CHFR: variants seen among roughly 807,000 people sequenced by gnomAD.
CHFR encodes the protein E3 ubiquitin-protein ligase CHFR.
Under a neutral mutation model 87.6 loss-of-function variants are expected in CHFR, and 57 were observed. That is an observed-to-expected ratio of 0.65 (90% CI 0.53 to 0.81). The LOEUF (loss-of-function observed/expected upper bound fraction) is 0.81. Among genes scored for constraint, CHFR ranks in the 30% least tolerant of loss-of-function variants. The pLI, the probability that CHFR is intolerant of heterozygous loss-of-function variation, is 0.00. For missense variants in CHFR, 797 were observed against 865.8 expected (o/e 0.92, Z 1.00); for synonymous variants, 381 against 359.2 (o/e 1.06, Z -0.69).
chr12:132,865,239 C>A (rs886258550), intron 6 of CHFR, among the ~76,000 whole-genome samples: 3 of 152,308 alleles, frequency 2.0e-5, no homozygotes, highest in African/African-American at 7.2e-5. Flanking sequence ...AGAGCCAGTG[C>A]ACATCCCAGC....
intron 9 of CHFR, among the ~76,000 whole-genome samples, chr12:132,856,891 G>A (rs951611734): frequency 6.7e-6 from 1 of 148,448 alleles, no homozygotes; most frequent in African/African-American, 2.5e-5. Flanking sequence ...CACTTGCCTG[G>A]GTGCTGGTGG....
intron 3 of CHFR, 24 bp downstream of exon 3, chr12:132,877,531 A>G (rs1476060628): frequency 6.6e-7 from 1 of 1,523,476 alleles, no homozygotes; most frequent in Non-Finnish European, 9.0e-7. Context: ...AAGAAACACC[A>G]AAAGAAGCTC....
At chr12:132,866,617 A>G (rs1468878121) in intron 6 of CHFR, 1 of 134,724 alleles carries the variant, frequency 7.4e-6, no homozygotes, top group Non-Finnish European at 1.7e-5. Flanking sequence ...CCAGAAAGTT[A>G]CAACACACCG....
In CHFR at chr12:132,887,555, C is replaced by A; in HGVS notation, c.-21G>T. The A allele has an allele frequency of 1.2e-5, 2 of 161,890 alleles. No homozygotes were observed. Among genetic ancestry groups the A allele is most frequent in the South Asian group, 3.6e-4 (2 of 5,596 alleles). The allele number at this position is 161,890 out of a possible 1,614,324, so 10.0% of individuals were successfully genotyped here. Reference sequence around the variant, plus strand: ...TCGCCAGCCGCGCTTACCCCCGCCCCGCGCCGAACCCGGAACCGGCTGCGC... The same window carrying A: ...TCGCCAGCCGCGCTTACCCCCGCCCAGCGCCGAACCCGGAACCGGCTGCGC... On this transcript the variant is annotated 5_prime_UTR_variant, in exon 1 of 18. Transcript: ENST00000450056.
Position 132,833,498 on chromosome 12 carries a change from T to C in CHFR, c.*8056A>G, listed in dbSNP as rs1950628773. 6.6e-6 allele frequency: 1 copy of C among 152,234 alleles called. No homozygotes were observed. The highest frequency in any genetic ancestry group is 1.9e-4 in the East Asian group (1 of 5,190). The allele number at this position is 152,234 out of a possible 1,614,324, so 9.4% of individuals were successfully genotyped here. A position where few individuals can be genotyped will look rare whatever the true frequency, so the allele number is the denominator to read the frequency against. On this transcript the variant is annotated 3_prime_UTR_variant, in exon 18 of 18. Transcript: ENST00000450056. ...TTCAGGCCGATGGTTGAGGGAGGAC[T>C]TCTCAGGAGAATGTGAGCCAACAAG...
rs1357095646 is a variant in CHFR, at chr12:132,847,064, G to A, written c.1714C>T (p.Arg572Trp). Reference protein sequence around the residue: ...MLTESLVALQRGVFLLSDYRV... With the variant: ...MLTESLVALQWGVFLLSDYRV... ...TCACCAGACAGCAGAAACACTCCCC[G>A]CTGGAGAGCCACGAGGCTCTCGGTC... The change falls in exon 15 of 18, where the codon CGG (arginine) becomes TGG (tryptophan). Residue 572 changes from arginine (R) to tryptophan (W), a missense_variant. Transcript: ENST00000450056. The A allele has an allele frequency of 3.1e-6, 5 of 1,613,192 alleles. No individual in the cohort carries two copies. Among genetic ancestry groups the A allele is most frequent in the East Asian group, 2.2e-5 (1 of 44,866 alleles).
At chr12:132,877,194 C>A (rs774033823) in intron 3 of CHFR, among the ~76,000 whole-genome samples, 5 of 152,178 alleles carry the variant, frequency 3.3e-5, no homozygotes, top group Non-Finnish European at 7.3e-5. Flanking sequence ...TAGATAAATA[C>A]TCTTACCATT....
In CHFR at chr12:132,887,320, C is replaced by T. The variant is rs879451433; in HGVS notation, c.9G>A (p.Arg3=). The part of the protein sequence containing the change: ME[R]PEEGKQSPPP... ...GCGGCGACTGCTTGCCTTCCTCGGG[C>T]CGCTCCATCGGGATTCACATCTGCG... The change falls in exon 2 of 18, where the codon CGG becomes CGA. Residue 3 remains arginine (R), a synonymous_variant. Coordinates refer to ENST00000450056, the MANE Select transcript of CHFR (RefSeq NM_001161346.2). 1 of 1,471,836 alleles carries T rather than the reference C, an allele frequency of 6.8e-7. No individual in the cohort carries two copies. Among genetic ancestry groups the T allele is most frequent in the African/African-American group, 1.5e-5 (1 of 67,990 alleles). 91.2% of individuals were successfully genotyped at this position (1,471,836 alleles called of 1,614,324 possible).
chr12:132,876,253 T>TA (rs1484012379), intron 3 of CHFR, among the ~76,000 whole-genome samples: 1 of 152,170 alleles, frequency 6.6e-6, no homozygotes, highest in Non-Finnish European at 1.5e-5. Flanking sequence ...AAAATATATA[T>TA]ACCAACATAT....
At chr12:132,869,854 G>A (rs765182247) in intron 5 of CHFR, 56 bp from the exon 6 acceptor site, 7 of 1,540,144 alleles carry the variant, frequency 4.5e-6, no homozygotes, top group Non-Finnish European at 5.3e-6. Context: ...AAAAGGAGCA[G>A]AAGCAGCACA....
intron 6 of CHFR, among the ~76,000 whole-genome samples, chr12:132,864,717 G>T (rs540522996): frequency 1.3e-4 from 20 of 152,142 alleles, no homozygotes; most frequent in Non-Finnish European, 4.4e-5. Flanking sequence ...TTGAACTCCC[G>T]ACCTCAGGCG....
At chr12:132,874,423 C>A (rs376441897) in intron 3 of CHFR, among the ~76,000 whole-genome samples, 6 of 150,998 alleles carry the variant, frequency 4.0e-5, no homozygotes, top group South Asian at 2.1e-4. Flanking sequence ...CAGCACCCAG[C>A]GCGGGGAAGC....
chr12:132,836,702 C>A lies in CHFR; in HGVS notation c.*4852G>T, dbSNP rs1199366115. On this transcript the variant is annotated 3_prime_UTR_variant, in exon 18 of 18. Coordinates refer to ENST00000450056, the MANE Select transcript of CHFR (RefSeq NM_001161346.2). Reference sequence around the variant, plus strand: ...GAACTTTAAGACCCCACCATCTAGACTCACCGCCTCAGAAGGAGACAACCG... The same window carrying A: ...GAACTTTAAGACCCCACCATCTAGAATCACCGCCTCAGAAGGAGACAACCG... 1.5e-5 allele frequency: 7 copies of A among 456,120 alleles called. No homozygotes were observed. The Admixed American group carries it at 1.6e-4, about 11-fold the overall frequency. 28.3% of individuals were successfully genotyped at this position (456,120 alleles called of 1,614,324 possible).
rs1593459853 is a variant in CHFR, at chr12:132,851,742, A to C, written c.1373-5T>G. On this transcript the variant is annotated splice_region_variant and splice_polypyrimidine_tract_variant and intron_variant, in intron 11 of 17. Coordinates refer to ENST00000450056, the MANE Select transcript of CHFR (RefSeq NM_001161346.2). ...GGCACACGTAATCCTGGACTGCTGA[A>C]GCACACGCACATTCAGCCGGAGCAC... 3 of 1,609,792 alleles carry C rather than the reference A, an allele frequency of 1.9e-6. No homozygotes were observed. The highest frequency in any genetic ancestry group is 1.3e-5 in the African/African-American group (1 of 74,930).
At position 132,844,530 on chromosome 12, in the gene CHFR, C is replaced by T. The variant is rs1327116385; in HGVS notation, c.1736-396G>A. 7.4e-5 allele frequency among the ~76,000 whole-genome samples: 11 copies of T among 148,586 alleles called. 1 individual carries two copies. Among genetic ancestry groups the T allele is most frequent in the Admixed American group, 4.0e-4 (6 of 14,896 alleles). On this transcript the variant is annotated intron_variant, in intron 15 of 17. Transcript: ENST00000450056. Reference sequence around the variant, plus strand: ...CGATCTCCTGACCTCGTGATCCACCCGCCTCGGCCTCCCAAAGTGCTGGGA... The same window carrying T: ...CGATCTCCTGACCTCGTGATCCACCTGCCTCGGCCTCCCAAAGTGCTGGGA...
At chr12:132,849,362 C>T (rs1013029342) in intron 12 of CHFR, 2 of 151,588 alleles carry the variant, frequency 1.3e-5, no homozygotes, top group South Asian at 2.1e-4. Context: ...GCACTGCACC[C>T]GGCCTCAGAC....
chr12:132,844,606 A>G (rs1045017683), intron 15 of CHFR, among the ~76,000 whole-genome samples: 1 of 148,704 alleles, frequency 6.7e-6, no homozygotes, highest in Admixed American at 6.8e-5. Flanking sequence ...TCTTACAGCA[A>G]AACAATCCCA....
At chr12:132,852,928 C>A (rs1339840594) in intron 11 of CHFR, among the ~76,000 whole-genome samples, 2 of 152,210 alleles carry the variant, frequency 1.3e-5, no homozygotes, top group Non-Finnish European at 2.9e-5. Context: ...ATACCCCCTG[C>A]CCAGCTCTCC....
intron 5 of CHFR, among the ~76,000 whole-genome samples, chr12:132,870,353 A>ACC: frequency 7.0e-6 from 1 of 143,352 alleles, no homozygotes; most frequent in South Asian, 2.3e-4. Context: ...CTCCATCTCA[A>ACC]AAAACAAACA....
Sources: gnomAD v4.1 joint callset for allele counts (sites outside exome capture counted in the v4.1 genomes callset) on GRCh38, gnomAD v4.1.1 for gene constraint, MANE v1.5 for transcripts, NCBI Gene and HGNC (gene_info 2026-07-23, HGNC 2026-07-21) for gene names.